MGAT5: variants seen among roughly 807,000 people sequenced by gnomAD.
MGAT5 encodes alpha-1,6-mannosylglycoprotein 6-beta-N-acetylglucosaminyltransferase, also known as alpha-1,6-mannosylglycoprotein 6-beta-N-acetylglucosaminyltransferase A.
A neutral mutation model predicts 94.3 loss-of-function variants in MGAT5; 30 were observed. The observed-to-expected ratio is 0.32, with a 90% confidence interval of 0.24 to 0.43. The LOEUF is 0.43. MGAT5 is among the 20% of genes least tolerant of loss of function. The pLI is 1.00. For synonymous variants in MGAT5, 310 were observed against 322.9 expected, an observed-to-expected ratio of 0.96 and a Z score of 0.43; for missense variants, 691 against 905.5, an observed-to-expected ratio of 0.76 and a Z score of 3.04.
At chr2:134,359,827 G>T (rs1679967855) in intron 9 of MGAT5, among the ~76,000 whole-genome samples, 1 of 152,156 alleles carries the variant, frequency 6.6e-6, no homozygotes, top group South Asian at 2.1e-4. Flanking sequence ...ATAAGACCAG[G>T]GCGCTCTCGG....
At chr2:134,405,156 G>A (rs574462163) in intron 11 of MGAT5, among the ~76,000 whole-genome samples, 5 of 152,222 alleles carry the variant, frequency 3.3e-5, no homozygotes, top group East Asian at 1.9e-4. Flanking sequence ...AGGCCAAAAC[G>A]GAGATCGCTG....
At chr2:134,406,602 G>A (rs920036899) in intron 11 of MGAT5, among the ~76,000 whole-genome samples, 2 of 152,174 alleles carry the variant, frequency 1.3e-5, no homozygotes, top group Non-Finnish European at 2.9e-5. Context: ...TCTAAGGCAG[G>A]TGCGGTGCAG....
chr2:134,402,943 A>G, intron 10 of MGAT5, 45 bp from the exon 11 acceptor site: 1 of 1,542,882 alleles, frequency 6.5e-7, no homozygotes. Context: ...TTGTTATGCA[A>G]ATGAAAGAAA....
At chr2:134,397,315 C>CA (rs1463536704) in intron 10 of MGAT5, among the ~76,000 whole-genome samples, 1 of 152,102 alleles carries the variant, frequency 6.6e-6, no homozygotes, top group Non-Finnish European at 1.5e-5. Context: ...GAAGGAGTTG[C>CA]AAATCCAGGG....
At chr2:134,344,895 T>C (rs776949168) in intron 7 of MGAT5, 35 bp from the exon 8 acceptor site, 17 of 1,602,524 alleles carry the variant, frequency 1.1e-5, no homozygotes, top group Middle Eastern at 3.3e-4. Flanking sequence ...ATGATTTTTC[T>C]CTTTTTTCTC....
At chr2:134,341,829 C>T (rs1253562548) in intron 7 of MGAT5, 70 bp downstream of exon 7, 15 of 1,329,020 alleles carry the variant, frequency 1.1e-5, no homozygotes, top group African/African-American at 1.5e-5. Flanking sequence ...AAAGTATTAC[C>T]TCTATTAGTG....
At chr2:134,188,364 G>A (rs1689150214) in intron 1 of MGAT5, among the ~76,000 whole-genome samples, 1 of 152,158 alleles carries the variant, frequency 6.6e-6, no homozygotes, top group Non-Finnish European at 1.5e-5. Context: ...TTTGAATCCT[G>A]GCCCCTCTGC....
Position 134,335,362 on chromosome 2 carries a change from A to G in MGAT5, c.574-855A>G, listed in dbSNP as rs566201703. On this transcript the variant is annotated intron_variant, in intron 4 of 15. Transcript: ENST00000281923. ...CATTCTTTATTAGTAAACGGGTGAT[A>G]ATGCTGTCTTCAAATTTTATGGCTA... Among the ~76,000 whole-genome samples the G allele has an allele frequency of 1.6e-4, 24 of 152,298 alleles. No homozygotes were observed. In the South Asian group the frequency reaches 4.8e-3, roughly 30 times the overall value.
chr2:134,388,272 A>G (rs1459850955), intron 10 of MGAT5, among the ~76,000 whole-genome samples: 1 of 152,176 alleles, frequency 6.6e-6, no homozygotes, highest in Non-Finnish European at 1.5e-5. Flanking sequence ...ATGAGCCCCC[A>G]TGTACCTCTC....
At position 134,319,159 on chromosome 2, in the gene MGAT5, G is replaced by A. The variant is rs138128086; in HGVS notation, c.573+420G>A. Among the ~76,000 whole-genome samples the A allele has an allele frequency of 5.6e-4, 85 of 152,198 alleles. No homozygotes were observed. The East Asian group carries it at 0.014, about 25-fold the overall frequency. On this transcript the variant is annotated intron_variant, in intron 4 of 15. Transcript: ENST00000281923. The stretch of plus-strand genomic sequence containing the variant: ...ACTCCCCCTTAAGACCCTGCTTTCA[G>A]TTATTTTGGAAATATACCCAGAAGT...
At chr2:134,278,124 T>C (rs1684489287) in intron 2 of MGAT5, among the ~76,000 whole-genome samples, 2 of 152,242 alleles carry the variant, frequency 1.3e-5, no homozygotes, top group East Asian at 1.9e-4. Context: ...CCATTTCTTT[T>C]GGTATGTTTA....
At position 134,453,174 on chromosome 2, in the gene MGAT5, C is replaced by T. The variant is rs1214271045; in HGVS notation, c.*4327C>T. 6.6e-6 allele frequency: 1 copy of T among 152,256 alleles called. No individual in the cohort carries two copies. Among genetic ancestry groups the T allele is most frequent in the East Asian group, 1.9e-4 (1 of 5,190 alleles). The allele number at this position is 152,256 out of a possible 1,614,324, so 9.4% of individuals were successfully genotyped here. On this transcript the variant is annotated 3_prime_UTR_variant, in exon 16 of 16. Coordinates refer to ENST00000281923, the MANE Select transcript of MGAT5 (RefSeq NM_002410.5). Reference sequence around the variant, plus strand: ...CTTCCTGTTGATTCAAAAATAATACCTACATGAAAACATGATTCCAAGTTG... The same window carrying T: ...CTTCCTGTTGATTCAAAAATAATACTTACATGAAAACATGATTCCAAGTTG...
chr2:134,169,387 T>TACACACACAC (rs61268974), intron 1 of MGAT5, among the ~76,000 whole-genome samples: 12 of 138,770 alleles, frequency 8.6e-5, no homozygotes, highest in African/African-American at 2.7e-4. Flanking sequence ...AATTTAAAAA[T>TACACACACAC]ACACACACAC....
intron 1 of MGAT5, among the ~76,000 whole-genome samples, chr2:134,193,681 GTGT>G (rs1558980961): frequency 1.0e-5 from 1 of 96,608 alleles, no homozygotes. Flanking sequence ...ATCTTTGTGT[GTGT>G]GTGTGTGTGT....
intron 13 of MGAT5, among the ~76,000 whole-genome samples, chr2:134,425,562 A>G (rs1486938239): frequency 2.0e-5 from 3 of 152,182 alleles, no homozygotes; most frequent in Non-Finnish European, 2.9e-5. Flanking sequence ...TCAGAATCCT[A>G]TGGTTAGTAT....
chr2:134,250,799 A>G (rs1361834558), upstream of MGAT5, among the ~76,000 whole-genome samples: 1 of 152,154 alleles, frequency 6.6e-6, no homozygotes, highest in East Asian at 1.9e-4. Flanking sequence ...TCAAATTTGC[A>G]TGTCTCTGAA....
chr2:134,336,078 A>T (rs1332679923), intron 4 of MGAT5, 139 bp from the exon 5 acceptor site: 1 of 639,894 alleles, frequency 1.6e-6, no homozygotes, highest in Admixed American at 3.1e-5. Flanking sequence ...AGCTAAAAGC[A>T]TGGGAATTTG....
intron 12 of MGAT5, among the ~76,000 whole-genome samples, chr2:134,414,596 A>G (rs1683863168): frequency 6.7e-6 from 1 of 149,338 alleles, no homozygotes; most frequent in South Asian, 2.1e-4. Context: ...CACCTTACAT[A>G]TTAAATAGAT....
chr2:134,403,441 C>CT (rs1683167418), intron 11 of MGAT5, among the ~76,000 whole-genome samples: 1 of 152,204 alleles, frequency 6.6e-6, no homozygotes, highest in South Asian at 2.1e-4. Flanking sequence ...GAAGGACAGA[C>CT]TTTCTAATAG....
Sources: allele counts gnomAD v4.1 joint callset (sites outside exome capture counted in the v4.1 genomes callset), GRCh38; gene constraint gnomAD v4.1.1; transcripts MANE v1.5; gene names NCBI Gene and HGNC (gene_info 2026-07-23, HGNC 2026-07-21).